Variants in CHRM3 observed in about 807,000 individuals in gnomAD.
CHRM3 encodes the protein cholinergic receptor muscarinic 3.
In CHRM3, 11 loss-of-function variants were observed where a neutral mutation model predicts 41.8. The observed-to-expected ratio is 0.26, with a 90% CI of 0.17 to 0.44. The LOEUF is 0.44. Ranked by LOEUF, CHRM3 falls within the 20% of genes least tolerant of loss-of-function variation. The pLI is 1.00. For synonymous variants in CHRM3, 297 were observed against 301.4 expected, an observed-to-expected ratio of 0.99 and a Z score of 0.15; for missense variants, 571 against 745.4, an observed-to-expected ratio of 0.77 and a Z score of 2.72.
chr1:239,673,529 CT>C (rs1649698217), intron 4 of CHRM3, among the ~76,000 whole-genome samples: 1 of 151,918 alleles, frequency 6.6e-6, no homozygotes, highest in Non-Finnish European at 1.5e-5. Context: ...GCTATGTTTG[CT>C]TTTTATTTCT....
intron 5 of CHRM3, among the ~76,000 whole-genome samples, chr1:239,823,499 A>G (rs1672214444): frequency 6.6e-6 from 1 of 152,112 alleles, no homozygotes; most frequent in Non-Finnish European, 1.5e-5. Context: ...CATTTCGTTC[A>G]TTCAGCATTG....
chr1:239,466,467 A>T (rs186121686), intron 1 of CHRM3, among the ~76,000 whole-genome samples: 3 of 152,290 alleles, frequency 2.0e-5, no homozygotes, highest in African/African-American at 7.2e-5. Context: ...TTAACAATAA[A>T]CAATAGTTAA....
intron 2 of CHRM3, among the ~76,000 whole-genome samples, chr1:239,516,267 G>A (rs112593017): frequency 0.016 from 2,358 of 151,712 alleles, 30 homozygotes; most frequent in Non-Finnish European, 0.023. Flanking sequence ...AAGGAAAAGA[G>A]CTGTATGTTA....
At chr1:239,629,022 G>T (rs1256524758) in intron 3 of CHRM3, 2 of 47,214 alleles carry the variant, frequency 4.2e-5, no homozygotes, top group South Asian at 8.3e-4. Context: ...AGCTGTGGTG[G>T]GCTCCACCCA....
intron 5 of CHRM3, among the ~76,000 whole-genome samples, chr1:239,820,084 AC>A (rs1671914062): frequency 1.3e-5 from 2 of 152,154 alleles, no homozygotes; most frequent in African/African-American, 4.8e-5. Context: ...CAAGCCCAAA[AC>A]AACGATAGAC....
chr1:239,580,704 T>TATATATATATATATATAC (rs570878631), intron 3 of CHRM3, among the ~76,000 whole-genome samples: 7 of 131,084 alleles, frequency 5.3e-5, no homozygotes, highest in Admixed American at 8.2e-5. Context: ...TATATATATA[T>TATATATATATATATATAC]ACACACACAC....
intron 4 of CHRM3, among the ~76,000 whole-genome samples, chr1:239,666,192 CTT>C (rs34265790): frequency 8.8e-4 from 128 of 145,828 alleles, no homozygotes; most frequent in Admixed American, 1.1e-3. Flanking sequence ...TGTTGCCTGA[CTT>C]TTTTTTTTTT....
intron 2 of CHRM3, among the ~76,000 whole-genome samples, chr1:239,535,149 C>A (rs1368109151): frequency 6.6e-6 from 1 of 152,110 alleles, no homozygotes; most frequent in Non-Finnish European, 1.5e-5. Flanking sequence ...TAATTCAGCA[C>A]ACAGTGTTTG....
chr1:239,858,809 C>T (rs545730523), intron 6 of CHRM3, among the ~76,000 whole-genome samples: 184 of 152,268 alleles, frequency 1.2e-3, no homozygotes, highest in South Asian at 1.7e-3. Flanking sequence ...TTTTCTGTGT[C>T]TATGGATTTG....
intron 5 of CHRM3, among the ~76,000 whole-genome samples, chr1:239,800,084 T>C (rs534100023): frequency 6.6e-6 from 1 of 152,294 alleles, no homozygotes; most frequent in South Asian, 2.1e-4. Context: ...AAATGATAGA[T>C]GAGAACAGTG....
At chr1:239,779,503 GC>G (rs756565608) in intron 5 of CHRM3, among the ~76,000 whole-genome samples, 2 of 152,244 alleles carry the variant, frequency 1.3e-5, no homozygotes, top group African/African-American at 2.4e-5. Context: ...GGAGGCCGAG[GC>G]AGGTGGATCA....
chr1:239,393,606 C>T (rs1354529604), intron 1 of CHRM3, among the ~76,000 whole-genome samples: 1 of 152,190 alleles, frequency 6.6e-6, no homozygotes, highest in Non-Finnish European at 1.5e-5. Context: ...AAGGACCAGC[C>T]AAACTCTTCC....
intron 6 of CHRM3, among the ~76,000 whole-genome samples, chr1:239,885,507 G>A (rs1677991275): frequency 6.6e-6 from 1 of 152,058 alleles, no homozygotes; most frequent in African/African-American, 2.4e-5. Flanking sequence ...AGATATTTGG[G>A]CTCCTTCTTG....
chr1:239,551,586 T>G (rs1250149013), intron 3 of CHRM3, among the ~76,000 whole-genome samples: 1 of 151,922 alleles, frequency 6.6e-6, no homozygotes, highest in Non-Finnish European at 1.5e-5. Context: ...GAGGAGGACT[T>G]AAACTTGTTT....
chr1:239,514,278 C>T (rs1323119138), intron 2 of CHRM3, among the ~76,000 whole-genome samples: 2 of 151,982 alleles, frequency 1.3e-5, no homozygotes, highest in Non-Finnish European at 2.9e-5. Context: ...TGGAATGTCT[C>T]TCCATTTATA....
chr1:239,852,818 G>T (rs913351201), intron 6 of CHRM3, among the ~76,000 whole-genome samples: 3 of 152,084 alleles, frequency 2.0e-5, no homozygotes, highest in African/African-American at 7.2e-5. Flanking sequence ...AATGAAAGAA[G>T]TTTACACTTA....
intron 2 of CHRM3, among the ~76,000 whole-genome samples, chr1:239,526,988 T>A (rs1442773639): frequency 1.3e-5 from 2 of 152,082 alleles, no homozygotes; most frequent in African/African-American, 4.8e-5. Context: ...CCAGGCATAG[T>A]GGTGCATGCC....
At chr1:239,865,031 G>A (rs1446539258) in intron 6 of CHRM3, among the ~76,000 whole-genome samples, 1 of 152,144 alleles carries the variant, frequency 6.6e-6, no homozygotes, top group Non-Finnish European at 1.5e-5. Context: ...CAGAATGAAG[G>A]CTGTACCTCG....
intron 1 of CHRM3, among the ~76,000 whole-genome samples, chr1:239,456,244 T>C (rs1664924099): frequency 6.6e-6 from 1 of 152,252 alleles, no homozygotes; most frequent in South Asian, 2.1e-4. Flanking sequence ...AGAGTCGGGC[T>C]GGTTTCATGA....
Sources: gnomAD v4.1 joint callset for allele counts (sites outside exome capture counted in the v4.1 genomes callset) on GRCh38, gnomAD v4.1.1 for gene constraint, MANE v1.5 for transcripts, NCBI Gene and HGNC (gene_info 2026-07-23, HGNC 2026-07-21) for gene names.